Variants in DNMBP observed in about 807,000 individuals in gnomAD.
The protein encoded by DNMBP is dynamin-binding protein.
DNMBP carries 87 observed loss-of-function variants against 150.0 expected under a neutral mutation model. The observed-to-expected ratio is 0.58, with a 90% confidence interval of 0.49 to 0.69. The LOEUF is 0.69. Among genes scored for constraint, DNMBP ranks in the 30% least tolerant of loss-of-function variants. DNMBP has a pLI of 0.00. For synonymous variants in DNMBP, 711 were observed against 750.4 expected (o/e 0.95, Z 0.86); for missense variants, 1,774 against 1,949.0 (o/e 0.91, Z 1.69).
intron 1 of DNMBP, among the ~76,000 whole-genome samples, chr10:99,988,913 C>T (rs1207512004): frequency 2.0e-5 from 3 of 152,148 alleles, no homozygotes; most frequent in African/African-American, 2.4e-5. Context: ...TTGTCTGCCT[C>T]GGCCTCCCAA....
intron 13 of DNMBP, 57 bp from the exon 14 acceptor site, chr10:99,885,923 C>T: frequency 6.9e-7 from 1 of 1,454,768 alleles, no homozygotes; most frequent in Non-Finnish European, 9.2e-7. Flanking sequence ...ATAAAAGATC[C>T]CAGAGAAAAG....
rs760687146 is a variant in DNMBP at position 99,880,300 on chromosome 10, G to C, written c.4059C>G (p.Ser1353=). The change falls in exon 16 of 17, where the codon TCC becomes TCG. Residue 1353 remains serine, a synonymous_variant. Transcript: ENST00000324109. ...AGGAGTGGCTACCCACGGAGGCATC[G>C]GAGTGGCTGCGGCGAGGATTGTAGG... The part of the protein sequence containing the change: ...LKPYNPRRSH[S]DASVGSHSST... 5.6e-6 allele frequency: 9 copies of C among 1,613,200 alleles called. No individual in the cohort carries two copies. Among genetic ancestry groups the C allele is most frequent in the Non-Finnish European group, 6.8e-6 (8 of 1,179,746 alleles).
intron 11 of DNMBP, among the ~76,000 whole-genome samples, chr10:99,893,329 G>T (rs764773217): frequency 5.3e-5 from 8 of 152,218 alleles, no homozygotes; most frequent in Non-Finnish European, 8.8e-5. Flanking sequence ...GATATTCCTT[G>T]TATGACTAGT....
In DNMBP at chr10:99,990,611, A is replaced by T. The variant is rs577345927; in HGVS notation, c.-10-18477T>A. 2.5e-4 allele frequency among the ~76,000 whole-genome samples: 19 copies of T among 75,534 alleles called. No individual in the cohort carries two copies. In the East Asian group the frequency reaches 4.0e-3, roughly 16 times the overall value. 49.6% of individuals were successfully genotyped at this position (75,534 alleles called of 152,430 possible). A position where few individuals can be genotyped will look rare whatever the true frequency, so the allele number is the denominator to read the frequency against. ...GACTAAACACCCCAAATTAATGAAT[A>T]AAAAAAAAAAAAAGGACAAGAAAGA... On this transcript the variant is annotated intron_variant, in intron 1 of 16. Transcript: ENST00000324109.
intron 4 of DNMBP, among the ~76,000 whole-genome samples, chr10:99,938,647 C>G (rs2040260712): frequency 6.6e-6 from 1 of 152,156 alleles, no homozygotes; most frequent in Non-Finnish European, 1.5e-5. Context: ...GCCTTTAGGA[C>G]TTTAAAGATA....
intron 5 of DNMBP, 76 bp from the exon 6 acceptor site, chr10:99,908,170 T>G: frequency 4.7e-6 from 5 of 1,072,056 alleles, no homozygotes; most frequent in Middle Eastern, 2.0e-4. Flanking sequence ...GGAACAGCTC[T>G]TCAAGAATTG....
At chr10:99,998,059 C>A (rs778059970) in intron 1 of DNMBP, among the ~76,000 whole-genome samples, 3 of 149,374 alleles carry the variant, frequency 2.0e-5, no homozygotes, top group Admixed American at 6.7e-5. Flanking sequence ...CACAGTGAAA[C>A]CCCATCTCTA....
intron 4 of DNMBP, among the ~76,000 whole-genome samples, chr10:99,952,748 A>G (rs2040438732): frequency 6.6e-6 from 1 of 152,192 alleles, no homozygotes; most frequent in Non-Finnish European, 1.5e-5. Context: ...AGATTACTTG[A>G]TTTCCAATAA....
chr10:99,898,438 A>C (rs981567906), intron 8 of DNMBP, 153 bp from the exon 9 acceptor site: 98 of 725,176 alleles, frequency 1.4e-4, no homozygotes, highest in South Asian at 9.8e-4. Context: ...ATTGCTCTCT[A>C]TTCTTTTACC....
chr10:99,992,681 T>G (rs2040909676), intron 1 of DNMBP, among the ~76,000 whole-genome samples: 1 of 152,026 alleles, frequency 6.6e-6, no homozygotes, highest in Admixed American at 6.6e-5. Flanking sequence ...CGCCCGCCAC[T>G]AAGCCCGGCT....
rs201235540 is a variant in DNMBP, at chr10:99,907,987, G to A, written c.2554+8C>T. 9.9e-4 allele frequency: 1,601 copies of A among 1,610,082 alleles called. 6 individuals carry two copies. The highest frequency in any genetic ancestry group is 1.3e-3 in the Non-Finnish European group (1,474 of 1,176,664). On this transcript the variant is annotated splice_region_variant and intron_variant, in intron 6 of 16. Coordinates refer to ENST00000324109, the MANE Select transcript of DNMBP (RefSeq NM_015221.4). ...AAGCTGCTTCTGAAACAACACAGGA[G>A]CTCATACCTACAGCATCGCTGATTT...
At chr10:99,952,306 G>C (rs181329193) in intron 4 of DNMBP, among the ~76,000 whole-genome samples, 92 of 152,268 alleles carry the variant, frequency 6.0e-4, no homozygotes, top group African/African-American at 2.2e-3. Context: ...ATTGTTTACA[G>C]GTTTATCTTG....
At chr10:99,930,043 C>T (rs2133283902) in intron 4 of DNMBP, 1 of 702,962 alleles carries the variant, frequency 1.4e-6, no homozygotes, top group African/African-American at 1.7e-5. Context: ...TTTTGATGAA[C>T]ATTCCTGTCC....
intron 4 of DNMBP, among the ~76,000 whole-genome samples, chr10:99,934,071 G>A (rs1238660422): frequency 6.6e-6 from 1 of 152,090 alleles, no homozygotes; most frequent in Non-Finnish European, 1.5e-5. Flanking sequence ...CTGACCAAGG[G>A]ATAGGGAATC....
At chr10:99,935,571 T>C (rs1295619571) in intron 4 of DNMBP, among the ~76,000 whole-genome samples, 1 of 152,044 alleles carries the variant, frequency 6.6e-6, no homozygotes, top group East Asian at 1.9e-4. Flanking sequence ...TTTTTTGTTG[T>C]TGTTGTTGTT....
intron 6 of DNMBP, among the ~76,000 whole-genome samples, chr10:99,901,492 GT>G (rs2039737522): frequency 1.3e-5 from 2 of 152,076 alleles, no homozygotes; most frequent in Admixed American, 6.5e-5. Flanking sequence ...TTAAAAACTA[GT>G]AAAAAAAATA....
chr10:99,955,115 C>T, intron 4 of DNMBP, 99 bp downstream of exon 4: 2 of 962,050 alleles, frequency 2.1e-6, no homozygotes, highest in South Asian at 1.8e-5. Context: ...ATTTTTTGTC[C>T]ATCGAGGATG....
intron 4 of DNMBP, among the ~76,000 whole-genome samples, chr10:99,911,674 T>C (rs1467778423): frequency 6.6e-6 from 1 of 152,210 alleles, no homozygotes; most frequent in Non-Finnish European, 1.5e-5. Flanking sequence ...GGAGTTTTCA[T>C]TGTACTATTG....
intron 15 of DNMBP, among the ~76,000 whole-genome samples, chr10:99,883,638 CAA>C (rs71009782): frequency 1.6e-3 from 108 of 65,612 alleles, no homozygotes; most frequent in Middle Eastern, 0.01. Context: ...AAGACTGCCA[CAA>C]AAAAAAAAAA....
Sources: gnomAD v4.1 joint callset for allele counts (sites outside exome capture counted in the v4.1 genomes callset) on GRCh38, gnomAD v4.1.1 for gene constraint, MANE v1.5 for transcripts, NCBI Gene and HGNC (gene_info 2026-07-23, HGNC 2026-07-21) for gene names.